The following MEGF11 variants were observed in gnomAD, a reference collection of about 807,000 sequenced individuals.
MEGF11 encodes multiple epidermal growth factor-like domains protein 11.
MEGF11 carries 126 observed loss-of-function variants against 146.6 expected under a neutral mutation model. The observed-to-expected ratio is 0.86, with a 90% confidence interval of 0.74 to 1.00. The LOEUF is 1.00. Among genes scored for constraint, MEGF11 ranks in the 50% least tolerant of loss-of-function variants. The pLI, the probability that MEGF11 is intolerant of heterozygous loss-of-function variation, is 0.00. For missense variants in MEGF11, 1,509 were observed against 1,521.2 expected, an observed-to-expected ratio of 0.99 and a Z score of 0.13; for synonymous variants, 532 against 583.4, an observed-to-expected ratio of 0.91 and a Z score of 1.27.
intron 5 of MEGF11, among the ~76,000 whole-genome samples, chr15:66,074,050 G>A (rs548805414): frequency 2.8e-4 from 42 of 152,256 alleles, no homozygotes; most frequent in Non-Finnish European, 5.4e-4. Flanking sequence ...TCTTGCTACA[G>A]ATGTTTTCAT....
At chr15:66,086,427 T>G (rs995401078) in intron 5 of MEGF11, among the ~76,000 whole-genome samples, 25 of 152,188 alleles carry the variant, frequency 1.6e-4, no homozygotes, top group African/African-American at 5.3e-4. Context: ...CCAGGTAACC[T>G]ATAAAGGAAA....
At chr15:66,247,037 T>C (rs901182629) in intron 1 of MEGF11, among the ~76,000 whole-genome samples, 2 of 152,110 alleles carry the variant, frequency 1.3e-5, no homozygotes, top group Non-Finnish European at 2.9e-5. Flanking sequence ...AATGGTCCCA[T>C]TTTACCACTG....
intron 1 of MEGF11, among the ~76,000 whole-genome samples, chr15:66,202,710 A>T (rs1433106985): frequency 6.6e-6 from 1 of 152,164 alleles, no homozygotes; most frequent in East Asian, 1.9e-4. Context: ...CTCTGGCTGG[A>T]TTTCCTTCAG....
At chr15:66,095,537 C>G (rs1316559397) in intron 4 of MEGF11, among the ~76,000 whole-genome samples, 1 of 152,218 alleles carries the variant, frequency 6.6e-6, no homozygotes, top group Admixed American at 6.5e-5. Context: ...TGGCCTCCCA[C>G]CCACTGCCTG....
intron 2 of MEGF11, among the ~76,000 whole-genome samples, chr15:66,125,448 C>T (rs956267607): frequency 1.3e-5 from 2 of 152,240 alleles, no homozygotes; most frequent in South Asian, 2.1e-4. Context: ...GGAGCGTGCA[C>T]GGGCCCTGGA....
At chr15:65,928,590 T>C in intron 12 of MEGF11, 63 bp from the exon 13 acceptor site, 1 of 1,136,058 alleles carries the variant, frequency 8.8e-7, no homozygotes, top group Non-Finnish European at 1.3e-6. Context: ...TGTGTACTTC[T>C]ATGGATCTTT....
intron 5 of MEGF11, among the ~76,000 whole-genome samples, chr15:66,024,460 A>T (rs1597003040): frequency 6.6e-6 from 1 of 152,234 alleles, no homozygotes; most frequent in Non-Finnish European, 1.5e-5. Flanking sequence ...GGCCAGAGGC[A>T]CTTCCATGAG....
At chr15:65,970,782 C>A in intron 7 of MEGF11, 93 bp from the exon 8 acceptor site, 1 of 1,414,694 alleles carries the variant, frequency 7.1e-7, no homozygotes, top group Admixed American at 2.1e-5. Flanking sequence ...CAGGGACCAC[C>A]CAACTTCCCA....
intron 5 of MEGF11, among the ~76,000 whole-genome samples, chr15:66,009,245 T>G (rs78118135): frequency 0.058 from 8,356 of 143,688 alleles, 313 homozygotes; most frequent in Admixed American, 0.11. Context: ...ACCTAAGTTT[T>G]TTTTTTTTTT....
intron 9 of MEGF11, among the ~76,000 whole-genome samples, chr15:65,962,634 C>T (rs2080901519): frequency 2.6e-5 from 4 of 152,148 alleles, no homozygotes; most frequent in South Asian, 2.1e-4. Context: ...ATAGGGTTGA[C>T]GTCAGCTAAT....
chr15:65,923,298 A>G (rs2079241423), intron 13 of MEGF11, among the ~76,000 whole-genome samples: 1 of 152,216 alleles, frequency 6.6e-6, no homozygotes, highest in Non-Finnish European at 1.5e-5. Flanking sequence ...GGGTACGGCA[A>G]GAGATGAGAT....
chr15:65,997,070 C>T (rs1227485939), intron 5 of MEGF11, among the ~76,000 whole-genome samples: 1 of 152,220 alleles, frequency 6.6e-6, no homozygotes, highest in Non-Finnish European at 1.5e-5. Flanking sequence ...GTGTCATGGT[C>T]CATTTGTCCC....
rs371474235 is a variant in MEGF11, at chr15:65,922,981, A to T, written c.1676-12T>A. On this transcript the variant is annotated splice_polypyrimidine_tract_variant and intron_variant, in intron 13 of 25. Transcript: ENST00000395614. ...GTCACAGCGGATGCCTGTGGGCCAG[A>T]GGCAGACTCGGGTCAGTGGTAAGAG... The T allele has an allele frequency of 1.1e-5, 18 of 1,611,410 alleles. No individual in the cohort carries two copies. The highest frequency in any genetic ancestry group is 1.4e-5 in the Non-Finnish European group (17 of 1,179,210).
rs141975453 is a variant in MEGF11 at position 65,901,108 on chromosome 15, C to G, written c.3056-2174G>C. On this transcript the variant is annotated intron_variant, in intron 24 of 25. Coordinates refer to ENST00000395614, the MANE Select transcript of MEGF11 (RefSeq NM_001385028.1). ...AGCTGCTTGGACCCTTGACTGTGAC[C>G]TGCCCAAACCACATAAATTTGCCCC... Among the ~76,000 whole-genome samples, 95 of 152,296 alleles carry G rather than the reference C, an allele frequency of 6.2e-4. 1 individual carries two copies. Among genetic ancestry groups the G allele is most frequent in the African/African-American group, 2.0e-3 (84 of 41,572 alleles).
At chr15:65,909,691 G>T (rs1186978238) in intron 22 of MEGF11, 49 bp downstream of exon 22, 5 of 1,499,010 alleles carry the variant, frequency 3.3e-6, no homozygotes, top group Non-Finnish European at 3.6e-6. Context: ...TATGGAAGAA[G>T]AATAGGGTGG....
intron 10 of MEGF11, 114 bp downstream of exon 10, chr15:65,957,433 G>T: frequency 9.9e-7 from 1 of 1,008,994 alleles, no homozygotes; most frequent in Non-Finnish European, 1.4e-6. Context: ...CTGTCTCTGA[G>T]GCGGACACAA....
At chr15:66,190,982 G>C (rs1218133473) in intron 1 of MEGF11, among the ~76,000 whole-genome samples, 1 of 86,696 alleles carries the variant, frequency 1.2e-5, no homozygotes, top group East Asian at 4.6e-4. Flanking sequence ...GTGTTCACAG[G>C]GGAGACTATT....
intron 5 of MEGF11, among the ~76,000 whole-genome samples, chr15:66,012,372 G>A (rs1277476515): frequency 2.0e-5 from 3 of 152,194 alleles, no homozygotes; most frequent in African/African-American, 4.8e-5. Flanking sequence ...TTAGTGGCAG[G>A]TGCTGGAGCT....
At chr15:66,049,941 C>T (rs2084382509) in intron 5 of MEGF11, among the ~76,000 whole-genome samples, 1 of 152,226 alleles carries the variant, frequency 6.6e-6, no homozygotes, top group South Asian at 2.1e-4. Context: ...TTCATTCAAG[C>T]AACTAATATT....
Sources: gnomAD v4.1 joint callset for allele counts (sites outside exome capture counted in the v4.1 genomes callset) on GRCh38, gnomAD v4.1.1 for gene constraint, MANE v1.5 for transcripts, NCBI Gene and HGNC (gene_info 2026-07-23, HGNC 2026-07-21) for gene names.